The following FUT8 variants were observed in gnomAD, a reference collection of about 807,000 sequenced individuals.
The protein encoded by FUT8 is alpha-(1,6)-fucosyltransferase.
FUT8 carries 29 observed loss-of-function variants against 71.3 expected under a neutral mutation model. The ratio of observed to expected loss-of-function variants is 0.41; its 90% CI spans 0.30 to 0.55. FUT8 has a LOEUF of 0.55. Among genes scored for constraint, FUT8 ranks in the 20% least tolerant of loss-of-function variants. The pLI, the probability that FUT8 is intolerant of heterozygous loss-of-function variation, is 0.34. For synonymous variants in FUT8, 254 were observed against 239.3 expected (o/e 1.06, Z -0.57); for missense variants, 544 against 702.1 (o/e 0.77, Z 2.55).
At chr14:65,486,029 C>T (rs2066404757) in intron 2 of FUT8, among the ~76,000 whole-genome samples, 1 of 152,158 alleles carries the variant, frequency 6.6e-6, no homozygotes, top group African/African-American at 2.4e-5. Context: ...TCCTGACCTC[C>T]ATATATAGCA....
chr14:65,449,238 A>G (rs1421333611), intron 1 of FUT8, among the ~76,000 whole-genome samples: 4 of 152,250 alleles, frequency 2.6e-5, no homozygotes, highest in Non-Finnish European at 5.9e-5. Flanking sequence ...CTGTAAAGTA[A>G]TGTTAATTGT....
At position 65,646,924 on chromosome 14, in the gene FUT8, G is replaced by T. The variant is rs189131664; in HGVS notation, c.597+17318G>T. Reference sequence around the variant, plus strand: ...ATTAAATATTGTTCTGTGGTAGGTTGTCTAAAAAAGTATTTGGATGTTTGT... The same window carrying T: ...ATTAAATATTGTTCTGTGGTAGGTTTTCTAAAAAAGTATTTGGATGTTTGT... On this transcript the variant is annotated intron_variant, in intron 6 of 10. Coordinates refer to ENST00000673929, the MANE Select transcript of FUT8 (RefSeq NM_001371533.1). Among the ~76,000 whole-genome samples, 212 of 152,270 alleles carry T rather than the reference G, an allele frequency of 1.4e-3. 1 individual carries two copies. Among genetic ancestry groups the T allele is most frequent in the African/African-American group, 4.7e-3 (196 of 41,562 alleles).
At chr14:65,525,233 A>G (rs973574630) in intron 2 of FUT8, among the ~76,000 whole-genome samples, 4 of 152,128 alleles carry the variant, frequency 2.6e-5, no homozygotes, top group Admixed American at 6.5e-5. Context: ...CATTGCCTCA[A>G]TTTCAGAGCC....
intron 3 of FUT8, among the ~76,000 whole-genome samples, chr14:65,565,159 C>G (rs1886123399): frequency 6.6e-6 from 1 of 151,894 alleles, no homozygotes; most frequent in Non-Finnish European, 1.5e-5. Flanking sequence ...GGAAGCCAGA[C>G]TTTTTTAAAC....
the FUT8 span, among the ~76,000 whole-genome samples, chr14:65,396,645 C>A: frequency 6.6e-6 from 1 of 152,152 alleles, no homozygotes. This position sits in a 1 kb window ranked among gnomAD's most constrained non-coding sequence, Gnocchi z 5.5. Context: ...TGGGACACAG[C>A]CAGACTATAT....
chr14:65,709,634 GAA>G (rs1336470533), intron 7 of FUT8, among the ~76,000 whole-genome samples: 1 of 152,042 alleles, frequency 6.6e-6, no homozygotes, highest in Admixed American at 6.6e-5. Flanking sequence ...AAAGTAAGAA[GAA>G]AAAAAGTTTC....
intron 5 of FUT8, among the ~76,000 whole-genome samples, chr14:65,621,366 CA>C (rs1341542356): frequency 6.6e-6 from 1 of 151,884 alleles, no homozygotes; most frequent in Non-Finnish European, 1.5e-5. Context: ...TCTCCTGCCT[CA>C]GCCTCCTGAG....
chr14:65,514,219 A>T (rs1882551236), intron 2 of FUT8, among the ~76,000 whole-genome samples: 2 of 148,388 alleles, frequency 1.3e-5, no homozygotes, highest in African/African-American at 2.5e-5. Context: ...TCGGTTGGGC[A>T]GTTTCTCTAG....
chr14:65,581,725 A>G (rs1353891334), intron 3 of FUT8, among the ~76,000 whole-genome samples: 2 of 151,950 alleles, frequency 1.3e-5, no homozygotes, highest in Non-Finnish European at 2.9e-5. Flanking sequence ...TTCATAGTTT[A>G]TCCATGTATG....
chr14:65,438,907 AGAAACTTTAACAG>A (rs375883758), intron 1 of FUT8, among the ~76,000 whole-genome samples: 21 of 152,254 alleles, frequency 1.4e-4, no homozygotes, highest in African/African-American at 5.1e-4. Context: ...TTTTTTAAAA[AGAAACTTTAACAG>A]GAATATGAAG....
intron 10 of FUT8, among the ~76,000 whole-genome samples, chr14:65,741,332 T>G (rs781027457): frequency 1.6e-4 from 25 of 152,106 alleles, no homozygotes; most frequent in Non-Finnish European, 2.9e-4. Flanking sequence ...CACTTAAAAC[T>G]TTTTAGAACA....
At chr14:65,376,731 G>A in the FUT8 span, among the ~76,000 whole-genome samples, 1 of 152,032 alleles carries the variant, frequency 6.6e-6, no homozygotes, top group African/African-American at 2.4e-5. Context: ...TAAAAGCACT[G>A]ATTTTTTTTC....
At chr14:65,359,425 A>G in the FUT8 span, among the ~76,000 whole-genome samples, 1 of 152,222 alleles carries the variant, frequency 6.6e-6, no homozygotes, top group African/African-American at 2.4e-5. Context: ...TTGTGCAACC[A>G]TCACCACCAT....
intron 2 of FUT8, among the ~76,000 whole-genome samples, chr14:65,464,468 C>T (rs1376348694): frequency 2.0e-5 from 3 of 151,942 alleles, no homozygotes; most frequent in Non-Finnish European, 4.4e-5. Context: ...GGTTTCTTAC[C>T]ATTAGGTATG....
At chr14:65,429,725 T>C (rs893093802) in intron 1 of FUT8, among the ~76,000 whole-genome samples, 6 of 151,726 alleles carry the variant, frequency 4.0e-5, no homozygotes, top group Admixed American at 3.9e-4. Flanking sequence ...CAGCCGGGTG[T>C]GGTGGTGTGT....
upstream of FUT8, among the ~76,000 whole-genome samples, chr14:65,410,290 T>G (rs762880292): frequency 2.1e-4 from 32 of 152,226 alleles, no homozygotes; most frequent in Non-Finnish European, 3.8e-4. Context: ...ATGATTGGCT[T>G]GGAACTTAAT....
chr14:65,691,620 T>G (rs1023667358), intron 7 of FUT8, among the ~76,000 whole-genome samples: 15 of 152,290 alleles, frequency 9.8e-5, no homozygotes, highest in South Asian at 6.2e-4. Context: ...TTTATTTATT[T>G]ATTGATCATT....
chr14:65,649,826 T>G (rs1891279475), intron 6 of FUT8, among the ~76,000 whole-genome samples: 1 of 152,228 alleles, frequency 6.6e-6, no homozygotes, highest in African/African-American at 2.4e-5. Context: ...CAAATGCCTC[T>G]GAAAATACAC....
rs140458997 is a variant in FUT8, at chr14:65,544,686, TTA to T, written c.-227-16649_-227-16648del. Reference sequence around the variant, plus strand: ...CTTGATAAGAACCTTATAAATGTGATTATGTGTTTGTACTTTATAACTAGGAA... The same window carrying T: ...CTTGATAAGAACCTTATAAATGTGATTGTGTTTGTACTTTATAACTAGGAA... On this transcript the variant is annotated intron_variant, in intron 2 of 10. Transcript: ENST00000673929. 6.0e-3 allele frequency among the ~76,000 whole-genome samples: 909 copies of T among 152,194 alleles called. 35 individuals are homozygous for T. The East Asian group carries it at 0.093, about 15-fold the overall frequency.
Sources: allele counts gnomAD v4.1 joint callset (sites outside exome capture counted in the v4.1 genomes callset), GRCh38; gene constraint gnomAD v4.1.1; non-coding constraint Gnocchi (gnomAD v3.1); transcripts MANE v1.5; gene names NCBI Gene and HGNC (gene_info 2026-07-23, HGNC 2026-07-21).